PDLIM5: variants seen among roughly 807,000 people sequenced by gnomAD.
The protein encoded by PDLIM5 is PDZ and LIM domain protein 5.
Under a neutral mutation model 64.2 loss-of-function variants are expected in PDLIM5, and 34 were observed. That is an observed-to-expected ratio of 0.53 (90% CI 0.40 to 0.71). The LOEUF (loss-of-function observed/expected upper bound fraction) is 0.71. Among genes scored for constraint, PDLIM5 ranks in the 30% least tolerant of loss-of-function variants. The probability of loss-of-function intolerance (pLI) is 0.00; values close to 1 mark genes in which losing one functional copy is unlikely to be tolerated. For synonymous variants in PDLIM5, 253 were observed against 269.1 expected (o/e 0.94, Z 0.59); for missense variants, 683 against 733.6 (o/e 0.93, Z 0.80).
At chr4:94,456,534 T>G in intron 2 of PDLIM5, 2 of 717,646 alleles carry the variant, frequency 2.8e-6, no homozygotes, top group South Asian at 2.9e-5. Flanking sequence ...TTGCAACAAT[T>G]TACCCTGAGA....
intron 2 of PDLIM5, among the ~76,000 whole-genome samples, chr4:94,486,833 C>T (rs1484419051): frequency 6.6e-6 from 1 of 152,094 alleles, no homozygotes; most frequent in Non-Finnish European, 1.5e-5. Flanking sequence ...AAGACCCTGT[C>T]TCTACAAAAA....
At chr4:94,498,232 T>C (rs1225286693) in intron 2 of PDLIM5, among the ~76,000 whole-genome samples, 1 of 152,194 alleles carries the variant, frequency 6.6e-6, no homozygotes, top group African/African-American at 2.4e-5. Context: ...TTAAAATCAC[T>C]TCCCCAGGAG....
At chr4:94,656,568 TTTATATACA>T (rs1194530601) in intron 10 of PDLIM5, among the ~76,000 whole-genome samples, 1 of 149,240 alleles carries the variant, frequency 6.7e-6, no homozygotes, top group Non-Finnish European at 1.5e-5. Flanking sequence ...ATTATATACA[TTTATATACA>T]TTATATACAT....
At chr4:94,508,353 G>T (rs1728573961) in intron 2 of PDLIM5, among the ~76,000 whole-genome samples, 1 of 152,148 alleles carries the variant, frequency 6.6e-6, no homozygotes, top group South Asian at 2.1e-4. Flanking sequence ...GTGAAAAAAG[G>T]TACAGGAAAC....
chr4:94,523,572 T>G, intron 2 of PDLIM5, 152 bp from the exon 3 acceptor site: 1 of 468,430 alleles, frequency 2.1e-6, no homozygotes, highest in Non-Finnish European at 3.8e-6. Context: ...TATCTTTACA[T>G]GCTAAAATTC....
intron 7 of PDLIM5, among the ~76,000 whole-genome samples, chr4:94,617,325 C>T (rs1309300016): frequency 6.6e-6 from 1 of 152,006 alleles, no homozygotes; most frequent in Admixed American, 6.5e-5. Flanking sequence ...AAACAGGTAA[C>T]TCTTGGTTGA....
intron 11 of PDLIM5, among the ~76,000 whole-genome samples, chr4:94,661,668 T>A (rs1742729099): frequency 6.6e-6 from 1 of 152,222 alleles, no homozygotes; most frequent in African/African-American, 2.4e-5. Context: ...GTTTCTTTTT[T>A]CTTCCTTGAC....
At chr4:94,539,010 T>G (rs1731550021) in intron 3 of PDLIM5, among the ~76,000 whole-genome samples, 1 of 152,078 alleles carries the variant, frequency 6.6e-6, no homozygotes, top group Non-Finnish European at 1.5e-5. Context: ...AGTGATAAAG[T>G]TTGCTGGGAT....
intron 3 of PDLIM5, among the ~76,000 whole-genome samples, chr4:94,567,279 A>G (rs1734427571): frequency 6.6e-6 from 1 of 152,212 alleles, no homozygotes; most frequent in South Asian, 2.1e-4. Flanking sequence ...AGGGCATTTT[A>G]GTAGTGTCAC....
At chr4:94,515,545 T>G (rs73833926) in intron 2 of PDLIM5, among the ~76,000 whole-genome samples, 3,414 of 152,326 alleles carry the variant, frequency 0.022, 118 homozygotes, top group African/African-American at 0.074. Flanking sequence ...GCCTGGTGTT[T>G]ACCAACCACA....
At chr4:94,585,129 T>TG (rs1736062850) in intron 5 of PDLIM5, 1 of 584,272 alleles carries the variant, frequency 1.7e-6, no homozygotes, top group African/African-American at 1.9e-5. Context: ...CTCGCTCTGT[T>TG]GCCCAGGCTG....
In PDLIM5 at chr4:94,585,683, A is replaced by G; in HGVS notation, c.829A>G (p.Thr277Ala). 1 of 1,613,916 alleles carries G rather than the reference A, an allele frequency of 6.2e-7. No homozygotes were observed. Among genetic ancestry groups the G allele is most frequent in the Non-Finnish European group, 8.5e-7 (1 of 1,179,874 alleles). Residue 277 changes from threonine to alanine, a missense_variant, in exon 6 of 13, where the codon ACA becomes GCA. By Grantham distance (58) the Thr-to-Ala change is moderately conservative. Coordinates refer to ENST00000317968, the MANE Select transcript of PDLIM5 (RefSeq NM_006457.5). ...TGAAGACTGGCGTCCAAGGACTGGA[A>G]CAACTCAGTCTCGCTCTTTCCGAAT... Reference protein sequence around the residue: ...DTEDWRPRTGTTQSRSFRILA... With the variant: ...DTEDWRPRTGATQSRSFRILA...
At chr4:94,617,350 A>G (rs1329397116) in intron 7 of PDLIM5, among the ~76,000 whole-genome samples, 1 of 152,228 alleles carries the variant, frequency 6.6e-6, no homozygotes, top group East Asian at 1.9e-4. Flanking sequence ...AGATAATGGC[A>G]GTCTTGTCTC....
intron 3 of PDLIM5, among the ~76,000 whole-genome samples, chr4:94,550,859 A>G (rs1470354093): frequency 1.3e-5 from 2 of 152,174 alleles, no homozygotes; most frequent in Non-Finnish European, 1.5e-5. Flanking sequence ...TGAAAATAGT[A>G]TGTGACTTTT....
chr4:94,618,337 C>G, intron 8 of PDLIM5, 146 bp downstream of exon 8: 1 of 479,814 alleles, frequency 2.1e-6, no homozygotes, highest in Non-Finnish European at 3.7e-6. Flanking sequence ...TAAACTATAG[C>G]TATTTTTCTC....
intron 8 of PDLIM5, among the ~76,000 whole-genome samples, chr4:94,627,933 T>G (rs1041977908): frequency 6.6e-6 from 1 of 152,232 alleles, no homozygotes; most frequent in African/African-American, 2.4e-5. Context: ...TATCCTTAAA[T>G]GTATCTTCCA....
intron 11 of PDLIM5, among the ~76,000 whole-genome samples, chr4:94,660,701 A>G (rs567893165): frequency 2.0e-5 from 3 of 152,278 alleles, no homozygotes; most frequent in East Asian, 3.9e-4. Flanking sequence ...ATGCTGAGCA[A>G]ATGGTGCTAA....
chr4:94,526,054 T>C (rs562641703), intron 3 of PDLIM5, among the ~76,000 whole-genome samples: 7 of 152,248 alleles, frequency 4.6e-5, no homozygotes, highest in Non-Finnish European at 8.8e-5. Context: ...GCAAAACAAA[T>C]AGAGATGATG....
intron 8 of PDLIM5, among the ~76,000 whole-genome samples, chr4:94,637,022 A>C: frequency 6.6e-6 from 1 of 152,118 alleles, no homozygotes; most frequent in East Asian, 1.9e-4. Flanking sequence ...TAGCAGTAGG[A>C]AAAGGGACAT....
Sources: allele counts gnomAD v4.1 joint callset (sites outside exome capture counted in the v4.1 genomes callset), GRCh38; gene constraint gnomAD v4.1.1; transcripts MANE v1.5; gene names NCBI Gene and HGNC (gene_info 2026-07-23, HGNC 2026-07-21).